SPATA13: variants seen among roughly 807,000 people sequenced by gnomAD.
The protein encoded by SPATA13 is spermatogenesis-associated protein 13.
A neutral mutation model predicts 104.0 loss-of-function variants in SPATA13; 50 were observed. The ratio of observed to expected loss-of-function variants is 0.48; its 90% confidence interval spans 0.38 to 0.61. The LOEUF (loss-of-function observed/expected upper bound fraction) is 0.61, where lower values mean the gene tolerates loss of function less well. Ranked by LOEUF, SPATA13 falls within the 20% of genes least tolerant of loss-of-function variation. SPATA13 has a pLI of 0.00. For synonymous variants in SPATA13, 606 were observed against 667.5 expected, an observed-to-expected ratio of 0.91 and a Z score of 1.42; for missense variants, 1,524 against 1,690.6, an observed-to-expected ratio of 0.90 and a Z score of 1.73.
intron 3 of SPATA13, among the ~76,000 whole-genome samples, chr13:24,092,176 T>A (rs1312441499): frequency 6.6e-6 from 1 of 152,252 alleles, no homozygotes; most frequent in Non-Finnish European, 1.5e-5. Flanking sequence ...ATTCTTCTAT[T>A]CTGGCAATAA....
chr13:24,221,481 G>C (rs1018358123), intron 1 of SPATA13, among the ~76,000 whole-genome samples: 3 of 152,086 alleles, frequency 2.0e-5, no homozygotes, highest in African/African-American at 7.2e-5. Context: ...AAGGTTAAGG[G>C]GGAGCAGGAT....
rs574115330 is a variant in SPATA13 at position 24,035,491 on chromosome 13, A to G, written c.-112+17790A>G. ...TAAACCCCTTGGTTGAGCTTTGGCCATGGAGACTTGGAACAGAATGTTAGG... is the reference window on the plus strand; with the variant it reads ...TAAACCCCTTGGTTGAGCTTTGGCCGTGGAGACTTGGAACAGAATGTTAGG... On this transcript the variant is annotated intron_variant, in intron 3 of 14. Transcript: ENST00000424834. 4.6e-5 allele frequency among the ~76,000 whole-genome samples: 7 copies of G among 152,302 alleles called. No individual in the cohort carries two copies. The East Asian group carries it at 9.7e-4, about 21-fold the overall frequency.
chr13:24,073,586 A>C (rs1156293817), intron 3 of SPATA13, among the ~76,000 whole-genome samples: 1 of 152,178 alleles, frequency 6.6e-6, no homozygotes, highest in Non-Finnish European at 1.5e-5. Context: ...GCCACATTTG[A>C]GTAAGTGGAC....
intron 3 of SPATA13, among the ~76,000 whole-genome samples, chr13:24,070,468 C>T (rs563929063): frequency 4.6e-5 from 7 of 152,048 alleles, no homozygotes; most frequent in Admixed American, 2.6e-4. Flanking sequence ...GTGTTTTGGT[C>T]GTGGTTTGGG....
At chr13:24,105,033 G>C (rs7981291) in intron 3 of SPATA13, among the ~76,000 whole-genome samples, 151,280 of 152,342 alleles carry the variant, frequency 0.99, 75,119 homozygotes, top group Middle Eastern at 1. Context: ...TGCTTCCAGG[G>C]AGAAGAAGTC....
In SPATA13 at chr13:24,072,823, TCC is replaced by T. The variant is rs1226992251; in HGVS notation, c.-112+55123_-112+55124del. Among the ~76,000 whole-genome samples the T allele has an allele frequency of 1.1e-3, 97 of 91,422 alleles. 1 individual carries two copies. The highest frequency in any genetic ancestry group is 3.7e-3 in the African/African-American group (86 of 23,296). 60.0% of individuals were successfully genotyped at this position (91,422 alleles called of 152,430 possible). A position where few individuals can be genotyped will look rare whatever the true frequency, so the allele number is the denominator to read the frequency against. On this transcript the variant is annotated intron_variant, in intron 3 of 14. Coordinates refer to the SPATA13 transcript ENST00000424834. ...CTCCTCCTCAGTGTCTACTGTTGGC[TCC>T]TTTTTTTTTTTTTTTTTTACATCCC...
intron 1 of SPATA13, among the ~76,000 whole-genome samples, chr13:24,217,057 AAAACAAAC>A (rs376585686): frequency 1.3e-4 from 20 of 152,088 alleles, no homozygotes. Flanking sequence ...GTCTCAAAAC[AAAACAAAC>A]AAACAAAAAC....
chr13:24,004,290 TC>T lies in SPATA13; in HGVS notation c.-146-13374del, dbSNP rs565499141. ...AGTCAATAAAGAGTCAGGAGTGAAA[TC>T]CCGGTTCTTGTACCAACACCTATCT... On this transcript the variant is annotated intron_variant, in intron 2 of 14. Transcript: ENST00000424834. Among the ~76,000 whole-genome samples the T allele has an allele frequency of 7.2e-5, 11 of 152,326 alleles. No homozygotes were observed. The East Asian group carries it at 2.1e-3, about 29-fold the overall frequency.
chr13:24,192,880 G>A (rs9578689), intron 1 of SPATA13, among the ~76,000 whole-genome samples: 9 of 152,282 alleles, frequency 5.9e-5, no homozygotes, highest in African/African-American at 1.9e-4. Context: ...CACTTCCAGA[G>A]CCCAGCAGGT....
intron 3 of SPATA13, among the ~76,000 whole-genome samples, chr13:24,118,959 G>A (rs1428871736): frequency 6.6e-6 from 1 of 151,522 alleles, no homozygotes; most frequent in African/African-American, 2.4e-5. Context: ...GGGCTGGAGT[G>A]CAGTGGTGTG....
At chr13:24,235,589 G>T (rs1027087147) in intron 2 of SPATA13, among the ~76,000 whole-genome samples, 1 of 152,052 alleles carries the variant, frequency 6.6e-6, no homozygotes, top group Non-Finnish European at 1.5e-5. Context: ...GTGAGACCTT[G>T]TCTCTTAAAA....
intron 1 of SPATA13, among the ~76,000 whole-genome samples, chr13:24,171,312 G>A (rs1239968643): frequency 1.3e-5 from 2 of 152,110 alleles, no homozygotes; most frequent in East Asian, 3.9e-4. Flanking sequence ...TGGTGAAGTC[G>A]TGACCCTTGT....
chr13:24,274,240 C>CAT (rs934567322), intron 4 of SPATA13, among the ~76,000 whole-genome samples: 14 of 152,174 alleles, frequency 9.2e-5, no homozygotes, highest in African/African-American at 3.4e-4. Flanking sequence ...ACAACCTGAG[C>CAT]ATGTGGTGTG....
At chr13:24,196,705 T>C (rs969135961) in intron 1 of SPATA13, among the ~76,000 whole-genome samples, 3 of 152,154 alleles carry the variant, frequency 2.0e-5, no homozygotes, top group African/African-American at 4.8e-5. Flanking sequence ...CACCACTGCA[T>C]TGTAGCCTGG....
intron 2 of SPATA13, among the ~76,000 whole-genome samples, chr13:24,229,599 C>T (rs547696402): frequency 1.3e-5 from 2 of 152,058 alleles, no homozygotes; most frequent in Admixed American, 6.5e-5. Context: ...AAGACAGGGA[C>T]GTTAAGGTCG....
At chr13:24,149,752 C>G (rs1001871499) in intron 3 of SPATA13, among the ~76,000 whole-genome samples, 1 of 152,158 alleles carries the variant, frequency 6.6e-6, no homozygotes, top group Admixed American at 6.5e-5. Context: ...AAAGGCCCTG[C>G]GGGGCGGATA....
At chr13:24,156,437 C>G (rs1212555763), upstream of SPATA13, among the ~76,000 whole-genome samples, 1 of 152,208 alleles carries the variant, frequency 6.6e-6, no homozygotes, top group Non-Finnish European at 1.5e-5. Context: ...TGGCCCACCC[C>G]ATCTGTACTC....
At chr13:24,009,205 T>C (rs925728968) in intron 2 of SPATA13, among the ~76,000 whole-genome samples, 3 of 152,202 alleles carry the variant, frequency 2.0e-5, no homozygotes, top group African/African-American at 7.2e-5. Context: ...GACATCACCA[T>C]GTGGAAGTGA....
intron 10 of SPATA13, among the ~76,000 whole-genome samples, chr13:24,295,292 C>A (rs1409443381): frequency 2.0e-5 from 3 of 152,014 alleles, no homozygotes; most frequent in African/African-American, 7.3e-5. Flanking sequence ...TATTACCTAC[C>A]TCATAGGCTA....
Sources: allele counts gnomAD v4.1 joint callset (sites outside exome capture counted in the v4.1 genomes callset), GRCh38; gene constraint gnomAD v4.1.1; transcripts MANE v1.5; gene names NCBI Gene and HGNC (gene_info 2026-07-23, HGNC 2026-07-21).